Variants in LEPR observed in about 807,000 individuals in gnomAD.
LEPR encodes OB receptor.
Under a neutral mutation model 114.7 loss-of-function variants are expected in LEPR, and 56 were observed. The observed-to-expected ratio is 0.49, with a 90% CI of 0.39 to 0.61. The LOEUF (loss-of-function observed/expected upper bound fraction) is 0.61. LEPR is among the 20% of genes least tolerant of loss of function. The pLI, the probability that LEPR is intolerant of heterozygous loss-of-function variation, is 0.00. For missense variants in LEPR, 1,202 were observed against 1,352.9 expected, an observed-to-expected ratio of 0.89 and a Z score of 1.75; for synonymous variants, 443 against 461.4, an observed-to-expected ratio of 0.96 and a Z score of 0.51.
chr1:65,443,251 G>T (rs1165264665), intron 2 of LEPR, among the ~76,000 whole-genome samples: 1 of 151,958 alleles, frequency 6.6e-6, no homozygotes, highest in Non-Finnish European at 1.5e-5. Context: ...CTAAACACCA[G>T]TACTAACTAA....
chr1:65,452,861 T>C (rs1356590426), intron 2 of LEPR, among the ~76,000 whole-genome samples: 2 of 151,976 alleles, frequency 1.3e-5, no homozygotes. Context: ...ATGGTACCAG[T>C]TCCTCCTTGT....
intron 3 of LEPR, among the ~76,000 whole-genome samples, chr1:65,566,505 A>G (rs181902791): frequency 6.6e-6 from 1 of 152,254 alleles, no homozygotes; most frequent in Non-Finnish European, 1.5e-5. Context: ...CAGCCGATAC[A>G]TTGCCAATAA....
chr1:65,544,128 C>T (rs1464302235), intron 2 of LEPR, among the ~76,000 whole-genome samples: 5 of 151,888 alleles, frequency 3.3e-5, no homozygotes, highest in African/African-American at 1.2e-4. Flanking sequence ...TGTTTGTGTC[C>T]TCTCTTATTT....
intron 14 of LEPR, among the ~76,000 whole-genome samples, chr1:65,611,092 C>G (rs996818652): frequency 6.6e-6 from 1 of 152,144 alleles, no homozygotes; most frequent in Non-Finnish European, 1.5e-5. Flanking sequence ...TAAAGTCTTC[C>G]ATTTCAATAT....
At chr1:65,430,477 C>T (rs1306935130) in intron 2 of LEPR, among the ~76,000 whole-genome samples, 1 of 152,164 alleles carries the variant, frequency 6.6e-6, no homozygotes, top group African/African-American at 2.4e-5. Context: ...AACTGTGTAG[C>T]TTCCAGAAAA....
intron 7 of LEPR, among the ~76,000 whole-genome samples, chr1:65,596,955 G>A (rs1656105600): frequency 6.6e-6 from 1 of 151,902 alleles, no homozygotes; most frequent in Non-Finnish European, 1.5e-5. Flanking sequence ...CTGCTAGCCC[G>A]ATCTGTGCAC....
chr1:65,618,504 T>A (rs1657675184), intron 16 of LEPR, among the ~76,000 whole-genome samples: 1 of 151,974 alleles, frequency 6.6e-6, no homozygotes, highest in Non-Finnish European at 1.5e-5. Flanking sequence ...TAAAATTTTT[T>A]TTTTTTGGTA....
intron 2 of LEPR, among the ~76,000 whole-genome samples, chr1:65,503,664 G>A (rs528935511): frequency 1.6e-4 from 25 of 152,268 alleles, no homozygotes; most frequent in African/African-American, 5.5e-4. Context: ...AGCATGGGGA[G>A]AAGGCAAGAA....
intron 2 of LEPR, among the ~76,000 whole-genome samples, chr1:65,519,153 T>TTCC (rs1553160718): frequency 2.7e-5 from 3 of 112,304 alleles, no homozygotes; most frequent in South Asian, 2.9e-4. Flanking sequence ...CCTTCCTTCC[T>TTCC]TTCCTTCCTT....
intron 2 of LEPR, among the ~76,000 whole-genome samples, chr1:65,490,328 A>G (rs1040764387): frequency 1.3e-5 from 2 of 152,062 alleles, no homozygotes; most frequent in Admixed American, 1.3e-4. Context: ...GGCACATTAC[A>G]TTTTCTGGTA....
chr1:65,455,593 C>T (rs1234939183), intron 2 of LEPR, among the ~76,000 whole-genome samples: 5 of 152,126 alleles, frequency 3.3e-5, no homozygotes, highest in East Asian at 3.9e-4. Flanking sequence ...TTAGGCTGCT[C>T]GGGGGTCAGG....
In LEPR at chr1:65,601,382, C is replaced by A. The variant is rs767839212; in HGVS notation, c.995-10C>A. On this transcript the variant is annotated splice_polypyrimidine_tract_variant and intron_variant, in intron 8 of 19. Transcript: ENST00000349533. ...GTCTTCATCTGATATCCTTTCTTCC[C>A]TCATTACAGATGTCATATACTTTCC... The A allele has an allele frequency of 6.2e-7, 1 of 1,611,264 alleles. No homozygotes were observed. The highest frequency in any genetic ancestry group is 8.5e-7 in the Non-Finnish European group (1 of 1,179,342).
chr1:65,531,381 C>T (rs1650382666), intron 2 of LEPR, among the ~76,000 whole-genome samples: 1 of 151,240 alleles, frequency 6.6e-6, no homozygotes, highest in Non-Finnish European at 1.5e-5. Flanking sequence ...TATCTTCTTA[C>T]CTTGTAATAT....
intron 2 of LEPR, among the ~76,000 whole-genome samples, chr1:65,448,919 A>G (rs552797722): frequency 2.6e-5 from 4 of 152,018 alleles, no homozygotes; most frequent in African/African-American, 7.2e-5. Flanking sequence ...TTTGAGATGG[A>G]GTCTTGGTCT....
At chr1:65,595,697 C>A (rs955836779) in intron 6 of LEPR, among the ~76,000 whole-genome samples, 60 of 151,972 alleles carry the variant, frequency 3.9e-4, no homozygotes, top group African/African-American at 1.4e-3. Flanking sequence ...ATGATAATTT[C>A]TATATATATG....
intron 2 of LEPR, among the ~76,000 whole-genome samples, chr1:65,517,583 A>G (rs1172796697): frequency 1.3e-5 from 2 of 152,140 alleles, no homozygotes; most frequent in Non-Finnish European, 2.9e-5. Flanking sequence ...ACTCAGTAAC[A>G]TTTTTACTCT....
intron 2 of LEPR, among the ~76,000 whole-genome samples, chr1:65,443,909 G>A (rs575593326): frequency 6.6e-6 from 1 of 151,732 alleles, no homozygotes; most frequent in South Asian, 2.1e-4. Flanking sequence ...TCTGGATCAG[G>A]AAAAAGGAAC....
chr1:65,599,765 GAAA>G (rs1306625520), intron 8 of LEPR, among the ~76,000 whole-genome samples: 1 of 151,992 alleles, frequency 6.6e-6, no homozygotes, highest in Non-Finnish European at 1.5e-5. Flanking sequence ...GTCATGTGAA[GAAA>G]ACCATTATTG....
chr1:65,459,664 AT>A (rs1379187305), intron 2 of LEPR, among the ~76,000 whole-genome samples: 1 of 152,244 alleles, frequency 6.6e-6, no homozygotes, highest in African/African-American at 2.4e-5. Context: ...AGAAGCGTGA[AT>A]TTATAACTCA....
Sources: gnomAD v4.1 joint callset for allele counts (sites outside exome capture counted in the v4.1 genomes callset) on GRCh38, gnomAD v4.1.1 for gene constraint, MANE v1.5 for transcripts, NCBI Gene and HGNC (gene_info 2026-07-23, HGNC 2026-07-21) for gene names.